RBFOX1: variants seen among roughly 807,000 people sequenced by gnomAD.
RBFOX1 encodes the protein RNA binding fox-1 homolog 1.
Under a neutral mutation model 57.7 loss-of-function variants are expected in RBFOX1, and 8 were observed. The observed-to-expected ratio is 0.14, with a 90% CI of 0.08 to 0.25. RBFOX1 has a LOEUF of 0.25. Among genes scored for constraint, RBFOX1 ranks in the 10% least tolerant of loss-of-function variants. The pLI is 1.00. For missense variants in RBFOX1, 611 were observed against 548.5 expected (o/e 1.11, Z -1.14); for synonymous variants, 326 against 222.4 (o/e 1.47, Z -4.15).
chr16:5,732,131 C>G (rs973538769), intron 3 of RBFOX1, among the ~76,000 whole-genome samples: 1 of 152,152 alleles, frequency 6.6e-6, no homozygotes, highest in Non-Finnish European at 1.5e-5. Flanking sequence ...GAATGGAATT[C>G]TACAGATAAT....
chr16:6,033,962 G>A (rs573411808), intron 1 of RBFOX1, among the ~76,000 whole-genome samples: 27 of 152,262 alleles, frequency 1.8e-4, no homozygotes, highest in Non-Finnish European at 2.9e-5. Context: ...TGACTGTCAT[G>A]AATTATGTCC....
chr16:6,392,249 G>A (rs755252975), intron 2 of RBFOX1, among the ~76,000 whole-genome samples: 5 of 152,158 alleles, frequency 3.3e-5, no homozygotes, highest in African/African-American at 7.2e-5. Flanking sequence ...TTCTCCAAGC[G>A]TTTTAACTGA....
chr16:7,436,386 T>A lies in RBFOX1; in HGVS notation c.28-81761T>A, dbSNP rs542607416. On this transcript the variant is annotated intron_variant, in intron 4 of 15. Transcript: ENST00000550418. ...AACACATATAGTGCGTGTCATATAT[T>A]TTGTAATAACTGGAATTTCCTGTTC... Among the ~76,000 whole-genome samples the A allele has an allele frequency of 6.6e-5, 10 of 152,306 alleles. No individual in the cohort carries two copies. In the South Asian group the frequency reaches 2.1e-3, roughly 32 times the overall value.
intron 4 of RBFOX1, among the ~76,000 whole-genome samples, chr16:7,271,553 A>G (rs2095318697): frequency 6.6e-6 from 1 of 152,132 alleles, no homozygotes; most frequent in Admixed American, 6.5e-5. Context: ...TGTTAGTATA[A>G]TAACTAGAAG....
chr16:7,330,629 C>G (rs947034195), intron 4 of RBFOX1, among the ~76,000 whole-genome samples: 4 of 151,786 alleles, frequency 2.6e-5, no homozygotes, highest in African/African-American at 9.7e-5. Flanking sequence ...TTGAAGCATT[C>G]TTGATTAAGA....
intron 2 of RBFOX1, among the ~76,000 whole-genome samples, chr16:6,535,575 T>G (rs1267049670): frequency 6.6e-6 from 1 of 152,244 alleles, no homozygotes; most frequent in Admixed American, 6.5e-5. Flanking sequence ...TGTAAATGGC[T>G]GTCACAAATG....
At chr16:6,520,959 T>A (rs1416397563) in intron 2 of RBFOX1, among the ~76,000 whole-genome samples, 1 of 151,326 alleles carries the variant, frequency 6.6e-6, no homozygotes, top group Non-Finnish European at 1.5e-5. Context: ...AAAAAATAAT[T>A]GCTTCGCCAC....
At chr16:7,552,807 C>G (rs192692872) in intron 5 of RBFOX1, among the ~76,000 whole-genome samples, 3 of 152,190 alleles carry the variant, frequency 2.0e-5, no homozygotes, top group Non-Finnish European at 2.9e-5. Flanking sequence ...CTCAGACTCT[C>G]GAGTAGCTGG....
chr16:7,400,432 G>C (rs2098221830), intron 4 of RBFOX1, among the ~76,000 whole-genome samples: 1 of 152,022 alleles, frequency 6.6e-6, no homozygotes, highest in Admixed American at 6.6e-5. Flanking sequence ...ATCCTCAAAA[G>C]TGAAAAAACA....
intron 3 of RBFOX1, among the ~76,000 whole-genome samples, chr16:6,955,398 C>A (rs1054855457): frequency 6.6e-6 from 1 of 151,576 alleles, no homozygotes; most frequent in African/African-American, 2.4e-5. Context: ...ACTCAAAACC[C>A]CTGTGTTCTG....
chr16:7,431,530 G>A (rs1016662538), intron 4 of RBFOX1, among the ~76,000 whole-genome samples: 4 of 152,282 alleles, frequency 2.6e-5, no homozygotes, highest in South Asian at 2.1e-4. Flanking sequence ...GTGAGCCACC[G>A]CGCCACTGTG....
intron 4 of RBFOX1, among the ~76,000 whole-genome samples, chr16:7,229,179 A>C (rs751176345): frequency 6.6e-6 from 1 of 152,228 alleles, no homozygotes; most frequent in South Asian, 2.1e-4. Flanking sequence ...TATTTCTTTC[A>C]TGCTTCAGAA....
At chr16:7,404,378 C>T (rs1212248870) in intron 4 of RBFOX1, among the ~76,000 whole-genome samples, 1 of 152,116 alleles carries the variant, frequency 6.6e-6, no homozygotes, top group East Asian at 1.9e-4. Context: ...TTAGTGTCAC[C>T]TTGTAGGTCA....
intron 2 of RBFOX1, among the ~76,000 whole-genome samples, chr16:5,475,884 C>T (rs928347889): frequency 3.9e-5 from 6 of 152,206 alleles, no homozygotes; most frequent in Admixed American, 2.0e-4. Flanking sequence ...TAGCCCACTG[C>T]AGTCTCAAAC....
intron 4 of RBFOX1, among the ~76,000 whole-genome samples, chr16:7,167,463 A>T (rs905262316): frequency 2.6e-5 from 4 of 152,086 alleles, no homozygotes; most frequent in Admixed American, 2.0e-4. Context: ...GCTAAGAGTG[A>T]TGCAGCCACA....
At chr16:7,485,336 T>A (rs144278669) in intron 4 of RBFOX1, among the ~76,000 whole-genome samples, 10 of 152,382 alleles carry the variant, frequency 6.6e-5, no homozygotes, top group African/African-American at 2.4e-4. Flanking sequence ...CTATGCGCTG[T>A]TGCTTATACA....
intron 2 of RBFOX1, among the ~76,000 whole-genome samples, chr16:6,496,636 G>C (rs927041785): frequency 1.3e-5 from 2 of 152,136 alleles, no homozygotes; most frequent in African/African-American, 2.4e-5. Context: ...AGACACCAAT[G>C]CTCTTGGGGA....
intron 4 of RBFOX1, among the ~76,000 whole-genome samples, chr16:7,335,023 G>C (rs1344535966): frequency 1.3e-5 from 2 of 152,172 alleles, no homozygotes; most frequent in Non-Finnish European, 1.5e-5. Context: ...CTAACACACA[G>C]AGAGAAACTG....
At chr16:7,280,981 C>G (rs982773089) in intron 4 of RBFOX1, among the ~76,000 whole-genome samples, 1 of 114,016 alleles carries the variant, frequency 8.8e-6, no homozygotes, top group African/African-American at 4.0e-5. Context: ...CCCTCCCTCC[C>G]TCCCTCCCTC....
Sources: gnomAD v4.1 joint callset for allele counts (sites outside exome capture counted in the v4.1 genomes callset) on GRCh38, gnomAD v4.1.1 for gene constraint, MANE v1.5 for transcripts, NCBI Gene and HGNC (gene_info 2026-07-23, HGNC 2026-07-21) for gene names.